Variants in TACR3 observed in about 807,000 individuals in gnomAD.
TACR3 encodes neuromedin-K receptor.
In TACR3, 34 loss-of-function variants were observed where a neutral mutation model predicts 35.0. The observed-to-expected ratio is 0.97, with a 90% confidence interval of 0.74 to 1.30. TACR3 has a LOEUF of 1.30. TACR3 is among the 50% of genes most tolerant of loss of function. TACR3 has a pLI of 0.00. For missense variants in TACR3, 558 were observed against 591.7 expected, an observed-to-expected ratio of 0.94 and a Z score of 0.59; for synonymous variants, 233 against 221.1, an observed-to-expected ratio of 1.05 and a Z score of -0.48.
rs1487546451 is a variant in TACR3, at chr4:103,629,845, C to CA, written c.888+26348dup. On this transcript the variant is annotated intron_variant, in intron 3 of 4. Coordinates refer to ENST00000304883, the MANE Select transcript of TACR3 (RefSeq NM_001059.3). ...CCCACATTGCCAAGACAATCCTAAGCAAAACAAAAAAAAAACAAAAAAAAA... is the reference window on the plus strand; with the variant it reads ...CCCACATTGCCAAGACAATCCTAAGCAAAAACAAAAAAAAAACAAAAAAAAA... Among the ~76,000 whole-genome samples, 237 of 59,264 alleles carry CA rather than the reference C, an allele frequency of 4.0e-3. 2 individuals are homozygous for CA. The highest frequency in any genetic ancestry group is 0.01 in the South Asian group (18 of 1,736). The allele number at this position is 59,264 out of a possible 152,430, so 38.9% of individuals were successfully genotyped here.
At chr4:103,643,621 A>G (rs974736808) in intron 3 of TACR3, among the ~76,000 whole-genome samples, 2 of 151,810 alleles carry the variant, frequency 1.3e-5, no homozygotes, top group African/African-American at 4.8e-5. Flanking sequence ...ATGAGGGATA[A>G]CAATTTCTAC....
intron 3 of TACR3, among the ~76,000 whole-genome samples, chr4:103,601,286 C>T (rs951654942): frequency 6.6e-6 from 1 of 152,038 alleles, no homozygotes; most frequent in Non-Finnish European, 1.5e-5. Context: ...TGTGTCTCTG[C>T]ATGTGAGATG....
At chr4:103,663,793 C>A (rs1323687391) in intron 1 of TACR3, among the ~76,000 whole-genome samples, 7 of 152,148 alleles carry the variant, frequency 4.6e-5, no homozygotes, top group African/African-American at 1.7e-4. Context: ...TCTTCAGCAA[C>A]AATAATTTGC....
At chr4:103,692,453 A>G (rs1347683159) in intron 1 of TACR3, among the ~76,000 whole-genome samples, 1 of 152,318 alleles carries the variant, frequency 6.6e-6, no homozygotes, top group East Asian at 1.9e-4. Flanking sequence ...CCACAGTCAT[A>G]GTTGCACTAT....
intron 1 of TACR3, among the ~76,000 whole-genome samples, chr4:103,697,800 C>G (rs1477781918): frequency 1.3e-5 from 2 of 152,102 alleles, no homozygotes; most frequent in African/African-American, 2.4e-5. Context: ...GACTTGATAA[C>G]TTTTAATGCA....
intron 3 of TACR3, among the ~76,000 whole-genome samples, chr4:103,607,691 T>G (rs1233154899): frequency 6.6e-6 from 1 of 152,086 alleles, no homozygotes; most frequent in African/African-American, 2.4e-5. Flanking sequence ...TTAGATGATA[T>G]TTAATGCCAT....
intron 1 of TACR3, among the ~76,000 whole-genome samples, chr4:103,699,101 A>C (rs1172869615): frequency 6.6e-6 from 1 of 152,206 alleles, no homozygotes; most frequent in African/African-American, 2.4e-5. Flanking sequence ...CCTTGTTTTC[A>C]TGGAAATTCT....
intron 1 of TACR3, among the ~76,000 whole-genome samples, chr4:103,712,623 T>C (rs1427172662): frequency 6.6e-6 from 1 of 151,962 alleles, no homozygotes; most frequent in Non-Finnish European, 1.5e-5. Flanking sequence ...AATTGACAAA[T>C]GGGATCCAAT....
At chr4:103,647,410 T>A (rs1725486551) in intron 3 of TACR3, among the ~76,000 whole-genome samples, 1 of 151,922 alleles carries the variant, frequency 6.6e-6, no homozygotes, top group African/African-American at 2.4e-5. Context: ...TAAGCATTAA[T>A]ATAACTTGGT....
At chr4:103,628,865 A>C (rs1158062533) in intron 3 of TACR3, among the ~76,000 whole-genome samples, 1 of 152,188 alleles carries the variant, frequency 6.6e-6, no homozygotes, top group Admixed American at 6.5e-5. Flanking sequence ...AATATCCCTG[A>C]TGAACATCAA....
Position 103,615,394 on chromosome 4 carries a change from TGTGTGAGAGAGAGAGA to T in TACR3, c.889-23727_889-23712del, listed in dbSNP as rs900489536. ...CTGCTATCGTGTGTGTGTGTGTGTGTGTGTGAGAGAGAGAGAGAGAGAGAGAGAGAGAGAGAGGGAA... is the reference window on the plus strand; with the variant it reads ...CTGCTATCGTGTGTGTGTGTGTGTGTGAGAGAGAGAGAGAGAGAGAGGGAA... On this transcript the variant is annotated intron_variant, in intron 3 of 4. Transcript: ENST00000304883. 6.1e-5 allele frequency among the ~76,000 whole-genome samples: 6 copies of T among 98,970 alleles called. No homozygotes were observed. The East Asian group carries it at 7.0e-4, about 11-fold the overall frequency. 64.9% of individuals were successfully genotyped at this position (98,970 alleles called of 152,430 possible). A position where few individuals can be genotyped will look rare whatever the true frequency, so the allele number is the denominator to read the frequency against.
intron 1 of TACR3, among the ~76,000 whole-genome samples, chr4:103,701,438 T>C: frequency 6.6e-6 from 1 of 151,854 alleles, no homozygotes; most frequent in African/African-American, 2.4e-5. Context: ...TGCTCATGGG[T>C]AGGAAGAATC....
At chr4:103,691,636 C>T (rs2110217187) in intron 1 of TACR3, among the ~76,000 whole-genome samples, 1 of 152,268 alleles carries the variant, frequency 6.6e-6, no homozygotes, top group South Asian at 2.1e-4. Context: ...TAAACAAAAT[C>T]TCTGCAGCAC....
chr4:103,711,060 G>T lies in TACR3; in HGVS notation c.548+8068C>A, dbSNP rs184749537. Among the ~76,000 whole-genome samples the T allele has an allele frequency of 1.0e-3, 155 of 152,218 alleles. 1 individual carries two copies. Among genetic ancestry groups the T allele is most frequent in the African/African-American group, 3.6e-3 (149 of 41,532 alleles). On this transcript the variant is annotated intron_variant, in intron 1 of 4. Coordinates refer to ENST00000304883, the MANE Select transcript of TACR3 (RefSeq NM_001059.3). The stretch of plus-strand genomic sequence containing the variant: ...GGATTCACAGCCAAATTCTACCAGA[G>T]GTACAAGGAGGAGCTGGTACCATTC...
intron 3 of TACR3, among the ~76,000 whole-genome samples, chr4:103,596,557 A>C (rs1724023393): frequency 6.6e-6 from 1 of 151,784 alleles, no homozygotes; most frequent in African/African-American, 2.4e-5. Context: ...TGTGACAAAA[A>C]ACAAAACAAA....
chr4:103,638,851 A>C (rs1237314924), intron 3 of TACR3, among the ~76,000 whole-genome samples: 1 of 152,174 alleles, frequency 6.6e-6, no homozygotes, highest in African/African-American at 2.4e-5. Context: ...GCTCATCATC[A>C]CTGGCCATCA....
rs868017808 is a variant in TACR3 at position 103,719,521 on chromosome 4, G to A, written c.155C>T (p.Ser52Phe). Residue 52 changes from serine (S) to phenylalanine (F), a missense_variant, in exon 1 of 5, where the codon TCC becomes TTC. Physicochemically the swap from Ser to Phe is radical, Grantham distance 155. Coordinates refer to ENST00000304883, the MANE Select transcript of TACR3 (RefSeq NM_001059.3). ...CAGTCCCAGCGCGGAAGGGGAGGAG[G>A]AGAGGTTGCCAGCTTGGTCCAGCAG... ...LQLLDQAGNLSSSPSALGLPV... is the reference protein window; with the variant it reads ...LQLLDQAGNLFSSPSALGLPV... The A allele has an allele frequency of 6.2e-7, 1 of 1,609,462 alleles. No homozygotes were observed. Among genetic ancestry groups the A allele is most frequent in the Non-Finnish European group, 8.5e-7 (1 of 1,176,348 alleles).
At chr4:103,613,971 T>A (rs1003316240) in intron 3 of TACR3, among the ~76,000 whole-genome samples, 1 of 152,224 alleles carries the variant, frequency 6.6e-6, no homozygotes, top group Non-Finnish European at 1.5e-5. Flanking sequence ...GGATACTCAT[T>A]CTATTGTATA....
rs1296845764 is a variant in TACR3, at chr4:103,594,049, TAGTC to T, written c.889-2370_889-2367del. Among the ~76,000 whole-genome samples, 6 of 152,326 alleles carry T rather than the reference TAGTC, an allele frequency of 3.9e-5. No individual in the cohort carries two copies. The South Asian group carries it at 6.2e-4, about 16-fold the overall frequency. ...GACAGTTAAGTAATGTCTAAGATTT[TAGTC>T]AGTTATTACTAGTATCATTTGGTTT... is the stretch of plus-strand genomic sequence containing the variant. On this transcript the variant is annotated intron_variant, in intron 3 of 4. Transcript: ENST00000304883.
Sources: gnomAD v4.1 joint callset for allele counts (sites outside exome capture counted in the v4.1 genomes callset) on GRCh38, gnomAD v4.1.1 for gene constraint, MANE v1.5 for transcripts, NCBI Gene and HGNC (gene_info 2026-07-23, HGNC 2026-07-21) for gene names.